The following MACROD2 variants were observed in gnomAD, a reference collection of about 807,000 sequenced individuals.
MACROD2 encodes the protein mono-ADP ribosylhydrolase 2.
In MACROD2, 36 loss-of-function variants were observed where a neutral mutation model predicts 70.4. That is an observed-to-expected ratio of 0.51 (90% CI 0.39 to 0.68). The LOEUF is 0.68. Among genes scored for constraint, MACROD2 ranks in the 30% least tolerant of loss-of-function variants. MACROD2 has a pLI of 0.00. For missense variants in MACROD2, 496 were observed against 538.4 expected (o/e 0.92, Z 0.78); for synonymous variants, 172 against 178.8 (o/e 0.96, Z 0.30).
intron 8 of MACROD2, among the ~76,000 whole-genome samples, chr20:15,673,069 A>T (rs550540667): frequency 6.6e-6 from 1 of 152,078 alleles, no homozygotes; most frequent in Non-Finnish European, 1.5e-5. Context: ...TCTTTCTTTT[A>T]TGAATTACCC....
Position 15,811,573 on chromosome 20 carries a change from T to A in MACROD2, c.646-51172T>A, listed in dbSNP as rs115626505. 2.4e-3 allele frequency among the ~76,000 whole-genome samples: 366 copies of A among 152,338 alleles called. 4 individuals carry two copies. The highest frequency in any genetic ancestry group is 8.4e-3 in the African/African-American group (349 of 41,560). On this transcript the variant is annotated intron_variant, in intron 8 of 17. Transcript: ENST00000684519. ...ATCTTTTACTTTAAATTTACCTAGTTATTTGTTGTCTATCCCTTTTCATAG... is the reference window on the plus strand; with the variant it reads ...ATCTTTTACTTTAAATTTACCTAGTAATTTGTTGTCTATCCCTTTTCATAG...
chr20:14,256,614 C>T (rs994424866), intron 3 of MACROD2, among the ~76,000 whole-genome samples: 44 of 152,034 alleles, frequency 2.9e-4, no homozygotes, highest in African/African-American at 1.0e-3. Context: ...GGAAGCTTGC[C>T]TTCATTTCTT....
chr20:15,651,282 C>T (rs1226320517), intron 8 of MACROD2, among the ~76,000 whole-genome samples: 1 of 152,178 alleles, frequency 6.6e-6, no homozygotes, highest in East Asian at 1.9e-4. Flanking sequence ...AATTGGATTT[C>T]TGTGGAGTTT....
At chr20:15,226,591 C>A (rs1220304943) in intron 5 of MACROD2, among the ~76,000 whole-genome samples, 1 of 152,070 alleles carries the variant, frequency 6.6e-6, no homozygotes, top group Non-Finnish European at 1.5e-5. Flanking sequence ...TTGTCTCTAA[C>A]ATGTTCTCAA....
chr20:15,231,811 G>C (rs749028174), intron 6 of MACROD2, among the ~76,000 whole-genome samples: 1 of 151,930 alleles, frequency 6.6e-6, no homozygotes, highest in Admixed American at 6.6e-5. Flanking sequence ...ATAGGAATTA[G>C]ATCTACCTTA....
chr20:15,524,785 A>G (rs73897653), intron 8 of MACROD2, among the ~76,000 whole-genome samples: 10,008 of 152,308 alleles, frequency 0.066, 465 homozygotes, highest in East Asian at 0.2. Flanking sequence ...AATTAAAATT[A>G]AAGTTAAATA....
chr20:15,962,043 G>C (rs1601223958), intron 12 of MACROD2, among the ~76,000 whole-genome samples: 1 of 152,276 alleles, frequency 6.6e-6, no homozygotes, highest in East Asian at 1.9e-4. Context: ...TTCCATCATG[G>C]TCCAAACCAG....
intron 8 of MACROD2, among the ~76,000 whole-genome samples, chr20:15,640,829 G>A (rs756896007): frequency 5.3e-5 from 8 of 152,232 alleles, no homozygotes; most frequent in South Asian, 2.1e-4. Context: ...AAACAGACCC[G>A]GGTGGGCTAT....
chr20:15,181,529 G>A (rs535454405), intron 5 of MACROD2, among the ~76,000 whole-genome samples: 10 of 152,326 alleles, frequency 6.6e-5, no homozygotes, highest in African/African-American at 2.2e-4. Context: ...TAAATGTTAA[G>A]CAATGAATTT....
At chr20:14,633,994 C>T (rs566464041) in intron 4 of MACROD2, among the ~76,000 whole-genome samples, 13 of 152,154 alleles carry the variant, frequency 8.5e-5, no homozygotes, top group Non-Finnish European at 1.5e-4. Flanking sequence ...CTCAGCCTGG[C>T]CTTGATTTAT....
In MACROD2 at chr20:15,533,036, T is replaced by G. The variant is rs958423173; in HGVS notation, c.645+33189T>G. Among the ~76,000 whole-genome samples, 3 of 152,248 alleles carry G rather than the reference T, an allele frequency of 2.0e-5. No individual in the cohort carries two copies. In the East Asian group the frequency reaches 5.8e-4, roughly 29 times the overall value. On this transcript the variant is annotated intron_variant, in intron 8 of 17. Transcript: ENST00000684519. ...TGTTTTTTAAACTGCACCATTTCTATGTCTTCATTCTTCTTTATTGAAATG... is the reference window on the plus strand; with the variant it reads ...TGTTTTTTAAACTGCACCATTTCTAGGTCTTCATTCTTCTTTATTGAAATG...
chr20:15,096,926 C>T (rs2075837974), intron 5 of MACROD2, among the ~76,000 whole-genome samples: 1 of 151,010 alleles, frequency 6.6e-6, no homozygotes, highest in African/African-American at 2.4e-5. Context: ...ATTATCTTAC[C>T]TCAGCCTCCC....
intron 2 of MACROD2, among the ~76,000 whole-genome samples, chr20:14,032,496 G>C (rs2053257577): frequency 6.6e-6 from 1 of 152,026 alleles, no homozygotes; most frequent in Non-Finnish European, 1.5e-5. Flanking sequence ...TGCCAGTGGG[G>C]GGTAAAGACT....
At position 14,244,254 on chromosome 20, in the gene MACROD2, C is replaced by G. The variant is rs548341801; in HGVS notation, c.271+158526C>G. ...GGATTTGATTGCAGATATTCTGGCC[C>G]ATGGCACCTCTTAACCTTTGTGTTA... On this transcript the variant is annotated intron_variant, in intron 3 of 17. Transcript: ENST00000684519. Among the ~76,000 whole-genome samples, 12 of 152,208 alleles carry G rather than the reference C, an allele frequency of 7.9e-5. No homozygotes were observed. The South Asian group carries it at 2.5e-3, about 32-fold the overall frequency.
At chr20:15,721,206 G>A (rs1009484402) in intron 8 of MACROD2, among the ~76,000 whole-genome samples, 5 of 150,236 alleles carry the variant, frequency 3.3e-5, no homozygotes, top group African/African-American at 7.3e-5. Context: ...GCTTGTAGAC[G>A]TGCTTCCAGG....
rs138218178 is a variant in MACROD2 at position 14,672,200 on chromosome 20, CAT to C, written c.302-12640_302-12639del. ...TCTTTTTCTGTTATCTGGCCTCACT[CAT>C]ATGTCTGGTCAGTTGCCAGGAAAGC... On this transcript the variant is annotated intron_variant, in intron 4 of 17. Coordinates refer to ENST00000684519, the MANE Select transcript of MACROD2 (RefSeq NM_001351661.2). Among the ~76,000 whole-genome samples the C allele has an allele frequency of 4.5e-3, 688 of 152,328 alleles. 3 individuals are homozygous for C. Among genetic ancestry groups the C allele is most frequent in the African/African-American group, 0.016 (667 of 41,578 alleles).
intron 4 of MACROD2, among the ~76,000 whole-genome samples, chr20:14,524,607 C>G (rs1312852853): frequency 6.6e-6 from 1 of 152,178 alleles, no homozygotes; most frequent in Non-Finnish European, 1.5e-5. Flanking sequence ...AAGCCTACCA[C>G]TTACGTATAC....
chr20:14,308,558 T>A (rs568384190), intron 3 of MACROD2, among the ~76,000 whole-genome samples: 8 of 152,234 alleles, frequency 5.3e-5, no homozygotes, highest in African/African-American at 1.9e-4. Context: ...ATTAGCATGG[T>A]ACTTAAGAAA....
chr20:14,320,365 C>T (rs779965383), intron 3 of MACROD2, among the ~76,000 whole-genome samples: 26 of 152,194 alleles, frequency 1.7e-4, no homozygotes, highest in East Asian at 3.9e-4. Flanking sequence ...ACTGCATAGC[C>T]GTCTAACTTG....
Sources: allele counts gnomAD v4.1 joint callset (sites outside exome capture counted in the v4.1 genomes callset), GRCh38; gene constraint gnomAD v4.1.1; transcripts MANE v1.5; gene names NCBI Gene and HGNC (gene_info 2026-07-23, HGNC 2026-07-21).